ROBO2: variants seen among roughly 807,000 people sequenced by gnomAD.
ROBO2 encodes roundabout homolog 2.
ROBO2 carries 53 observed loss-of-function variants against 160.8 expected under a neutral mutation model. That is an observed-to-expected ratio of 0.33 (90% CI 0.26 to 0.41). ROBO2 has a LOEUF of 0.41. Ranked by LOEUF, ROBO2 falls within the 10% of genes least tolerant of loss-of-function variation. The probability of loss-of-function intolerance (pLI) is 1.00; values close to 1 mark genes in which losing one functional copy is unlikely to be tolerated. For synonymous variants in ROBO2, 664 were observed against 611.7 expected (o/e 1.09, Z -1.26); for missense variants, 1,577 against 1,722.4 (o/e 0.92, Z 1.49).
chr3:76,629,762 GA>G (rs1296806309), intron 2 of ROBO2, among the ~76,000 whole-genome samples: 4 of 152,108 alleles, frequency 2.6e-5, no homozygotes, highest in African/African-American at 9.7e-5. Context: ...AGTAAATTTT[GA>G]ATAAGTACAT....
At chr3:76,851,208 T>A (rs1195749147) in intron 2 of ROBO2, among the ~76,000 whole-genome samples, 1 of 152,234 alleles carries the variant, frequency 6.6e-6, no homozygotes, top group African/African-American at 2.4e-5. Context: ...TAGCTAACTT[T>A]GAATTCTAAT....
At chr3:76,025,795 G>A (rs753353404) in intron 2 of ROBO2, among the ~76,000 whole-genome samples, 14 of 151,770 alleles carry the variant, frequency 9.2e-5, no homozygotes, top group Non-Finnish European at 1.9e-4. Context: ...CTAGTCACAA[G>A]AATCTCAAGG....
At chr3:76,349,697 AG>A (rs2074754926) in intron 2 of ROBO2, among the ~76,000 whole-genome samples, 1 of 152,106 alleles carries the variant, frequency 6.6e-6, no homozygotes, top group Non-Finnish European at 1.5e-5. Context: ...TGCTGGCAGA[AG>A]GCATGAGACT....
chr3:76,673,278 G>C (rs1051899395), intron 2 of ROBO2, among the ~76,000 whole-genome samples: 13 of 152,104 alleles, frequency 8.5e-5, no homozygotes, highest in Non-Finnish European at 1.5e-4. Context: ...GCTTATCACA[G>C]GGATTCTCAT....
At chr3:76,607,861 A>G (rs1286200818) in intron 2 of ROBO2, among the ~76,000 whole-genome samples, 1 of 152,148 alleles carries the variant, frequency 6.6e-6, no homozygotes, top group Non-Finnish European at 1.5e-5. Flanking sequence ...TTTCAAATCT[A>G]TTCTCTTCTT....
chr3:77,194,085 G>A (rs1003364437), intron 2 of ROBO2, among the ~76,000 whole-genome samples: 1 of 152,034 alleles, frequency 6.6e-6, no homozygotes, highest in African/African-American at 2.4e-5. Context: ...GACACCAATG[G>A]GCATGAATAT....
At chr3:75,952,609 A>G (rs1052468112) in intron 2 of ROBO2, among the ~76,000 whole-genome samples, 3 of 151,932 alleles carry the variant, frequency 2.0e-5, no homozygotes, top group African/African-American at 4.8e-5. Flanking sequence ...CATTTGTTAT[A>G]GTTGATGAGT....
chr3:76,495,806 T>C (rs112392539), intron 2 of ROBO2, among the ~76,000 whole-genome samples: 1,560 of 152,244 alleles, frequency 0.01, 23 homozygotes, highest in African/African-American at 0.036. Flanking sequence ...ATAAATCCAG[T>C]GTCAGTCTGG....
rs1235006801 is a variant in ROBO2, at chr3:77,164,530, G to A, written c.388+66190G>A. ...CCGGCCAGCCGTGCTGTCCGGGAGG[G>A]AGGTGGGGGGGTCAGACCCCCGCCC... On this transcript the variant is annotated intron_variant, in intron 2 of 25. Coordinates refer to ENST00000461745, the Ensembl canonical transcript of ROBO2. Among the ~76,000 whole-genome samples, 425 of 144,426 alleles carry A rather than the reference G, an allele frequency of 2.9e-3. 5 individuals carry two copies. The highest frequency in any genetic ancestry group is 0.01 in the African/African-American group (404 of 38,600). 94.7% of individuals were successfully genotyped at this position (144,426 alleles called of 152,430 possible).
intron 2 of ROBO2, among the ~76,000 whole-genome samples, chr3:77,467,286 G>C (rs183839500): frequency 7.9e-5 from 12 of 152,234 alleles, no homozygotes; most frequent in Non-Finnish European, 1.5e-5. Flanking sequence ...ATATGTAAAA[G>C]AGATTTAATA....
chr3:77,176,069 C>T (rs2080120909), intron 2 of ROBO2, among the ~76,000 whole-genome samples: 1 of 151,742 alleles, frequency 6.6e-6, no homozygotes, highest in Non-Finnish European at 1.5e-5. Flanking sequence ...CAGCAAATAG[C>T]AGGAACAGAA....
rs147022230 is a variant in ROBO2 at position 76,925,210 on chromosome 3, C to CAAAAA, written c.110-172787_110-172783dup. On this transcript the variant is annotated intron_variant, in intron 2 of 26. Transcript: ENST00000487694. ...TGGGCGACAGAGCGAGACTCCGTCT[C>CAAAAA]AAAAAAAAAAAAAAAAAAAAATCTG... Among the ~76,000 whole-genome samples, 324 of 61,836 alleles carry CAAAAA rather than the reference C, an allele frequency of 5.2e-3. 2 individuals are homozygous for CAAAAA. Among genetic ancestry groups the CAAAAA allele is most frequent in the African/African-American group, 9.4e-3 (143 of 15,242 alleles). The allele number at this position is 61,836 out of a possible 152,430, so 40.6% of individuals were successfully genotyped here.
rs921779968 is a variant in ROBO2 at position 77,040,925 on chromosome 3, G to A, written c.61+79G>A. 12 of 1,565,996 alleles carry A rather than the reference G, an allele frequency of 7.7e-6. No homozygotes were observed. In the African/African-American group the frequency reaches 9.6e-5, roughly 13 times the overall value. Reference sequence around the variant, plus strand: ...AAAACCATTTCTTTTTGAATTTGATGTGGGTTATAAATGAAATGACATTAT... The same window carrying A: ...AAAACCATTTCTTTTTGAATTTGATATGGGTTATAAATGAAATGACATTAT... On this transcript the variant is annotated intron_variant, in intron 1 of 25. Transcript: ENST00000461745.
intron 1 of ROBO2, among the ~76,000 whole-genome samples, chr3:75,931,462 C>T (rs867685503): frequency 3.3e-5 from 5 of 152,190 alleles, no homozygotes; most frequent in South Asian, 2.1e-4. Flanking sequence ...AGCAGTTTTC[C>T]TTCCTCAGCC....
chr3:77,164,760 GGGGGGGTC>G (rs1560143119), intron 2 of ROBO2, among the ~76,000 whole-genome samples: 3 of 41,026 alleles, frequency 7.3e-5, no homozygotes, highest in Non-Finnish European at 1.8e-4. Context: ...GGAGGGAAGT[GGGGGGGTC>G]AGACCCCCGC....
chr3:76,002,280 G>C (rs927131411), intron 2 of ROBO2, among the ~76,000 whole-genome samples: 2 of 152,152 alleles, frequency 1.3e-5, no homozygotes, highest in Non-Finnish European at 2.9e-5. Context: ...ATGATGTGAA[G>C]ATACAGGAAG....
chr3:77,006,864 G>A (rs1052271188), intron 2 of ROBO2, among the ~76,000 whole-genome samples: 6 of 152,048 alleles, frequency 3.9e-5, no homozygotes, highest in Non-Finnish European at 7.4e-5. Flanking sequence ...ATATTAGGAA[G>A]TATAAGGTAT....
intron 2 of ROBO2, among the ~76,000 whole-genome samples, chr3:76,065,299 G>T (rs367544028): frequency 4.5e-4 from 68 of 152,176 alleles, no homozygotes; most frequent in African/African-American, 1.6e-3. Flanking sequence ...GTAGCAATTA[G>T]TGCTTATTAT....
intron 2 of ROBO2, among the ~76,000 whole-genome samples, chr3:77,216,900 G>A (rs547374165): frequency 2.6e-4 from 39 of 151,906 alleles, no homozygotes; most frequent in African/African-American, 8.0e-4. Flanking sequence ...CTCTTATCAA[G>A]TGTGTCAGAT....
Sources: allele counts gnomAD v4.1 joint callset (sites outside exome capture counted in the v4.1 genomes callset), GRCh38; gene constraint gnomAD v4.1.1; transcripts MANE v1.5; gene names NCBI Gene and HGNC (gene_info 2026-07-23, HGNC 2026-07-21).